Variants in OPN5 observed in about 807,000 individuals in gnomAD.
OPN5 encodes opsin-5.
OPN5 carries 18 observed loss-of-function variants against 41.7 expected under a neutral mutation model. The observed-to-expected ratio is 0.43, with a 90% CI of 0.30 to 0.64. The LOEUF (loss-of-function observed/expected upper bound fraction) is 0.64. Ranked by LOEUF, OPN5 falls within the 30% of genes least tolerant of loss-of-function variation. OPN5 has a pLI of 0.13. For missense variants in OPN5, 318 were observed against 434.5 expected, an observed-to-expected ratio of 0.73 and a Z score of 2.38; for synonymous variants, 178 against 164.3, an observed-to-expected ratio of 1.08 and a Z score of -0.64.
intron 4 of OPN5, among the ~76,000 whole-genome samples, chr6:47,805,433 TG>T (rs1413670993): frequency 6.6e-6 from 1 of 152,124 alleles, no homozygotes; most frequent in Non-Finnish European, 1.5e-5. Flanking sequence ...ATTGTGTGTG[TG>T]TGTGTGTGTG....
At chr6:47,789,772 G>A (rs1420313858) in intron 2 of OPN5, among the ~76,000 whole-genome samples, 1 of 152,292 alleles carries the variant, frequency 6.6e-6, no homozygotes, top group Middle Eastern at 3.4e-3. Flanking sequence ...GAACACACCT[G>A]GGAGAGCTGG....
chr6:47,803,550 A>G (rs1302018550), intron 4 of OPN5, among the ~76,000 whole-genome samples: 3 of 152,106 alleles, frequency 2.0e-5, no homozygotes. Flanking sequence ...TAGCCACTGA[A>G]ATATCTTTGT....
chr6:47,787,398 T>A (rs1187563060), intron 2 of OPN5: 1 of 152,370 alleles, frequency 6.6e-6, no homozygotes, highest in Non-Finnish European at 1.5e-5. Context: ...TTAAAAAATA[T>A]GAACCATTTT....
chr6:47,818,407 T>C (rs1762495401), intron 6 of OPN5, among the ~76,000 whole-genome samples: 1 of 152,182 alleles, frequency 6.6e-6, no homozygotes, highest in Non-Finnish European at 1.5e-5. Context: ...AAGCAGCAAG[T>C]TACTCACGAC....
chr6:47,792,004 T>A, intron 3 of OPN5, 32 bp downstream of exon 3: 1 of 1,542,432 alleles, frequency 6.5e-7, no homozygotes, highest in Non-Finnish European at 9.0e-7. Flanking sequence ...TCCCTGACAG[T>A]TAAAGCTAGG....
At chr6:47,793,095 A>G (rs1773437569) in intron 3 of OPN5, among the ~76,000 whole-genome samples, 1 of 151,838 alleles carries the variant, frequency 6.6e-6, no homozygotes, top group South Asian at 2.1e-4. Flanking sequence ...AACTATACAT[A>G]TTCTGTGTGA....
Position 47,795,778 on chromosome 6 carries a change from TCACACACACA to T in OPN5, c.756+240_756+249del, listed in dbSNP as rs57933636. Among the ~76,000 whole-genome samples the T allele has an allele frequency of 1.3e-3, 184 of 142,882 alleles. 2 individuals carry two copies. In the South Asian group the frequency reaches 0.017, roughly 13 times the overall value. The allele number at this position is 142,882 out of a possible 152,430, so 93.7% of individuals were successfully genotyped here. A position where few individuals can be genotyped will look rare whatever the true frequency, so the allele number is the denominator to read the frequency against. On this transcript the variant is annotated intron_variant, in intron 4 of 6. Coordinates refer to ENST00000371211, the Ensembl canonical transcript of OPN5. ...CTTCTCTCTTCTCTCTCTCTCTCTC[TCACACACACA>T]CACACACACACACACACACACACAT...
chr6:47,783,849 C>G (rs187074526), intron 1 of OPN5, among the ~76,000 whole-genome samples: 4 of 152,306 alleles, frequency 2.6e-5, no homozygotes, highest in African/African-American at 9.6e-5. Context: ...TTGTATTTAG[C>G]ATAGCTCCAT....
At chr6:47,825,462 G>A (rs1322168163), downstream of OPN5, 1 of 152,114 alleles carries the variant, frequency 6.6e-6, no homozygotes, top group Non-Finnish European at 1.5e-5. Context: ...AGTGAAATGG[G>A]TTCTAGGCCA....
At chr6:47,811,800 C>G in intron 6 of OPN5, 69 bp downstream of exon 6, 1 of 972,898 alleles carries the variant, frequency 1.0e-6, no homozygotes. Context: ...CTGCTGTAAA[C>G]ATTTGATTGT....
At chr6:47,809,694 T>C (rs576947905) in intron 5 of OPN5, among the ~76,000 whole-genome samples, 3 of 152,328 alleles carry the variant, frequency 2.0e-5, no homozygotes, top group African/African-American at 7.2e-5. Context: ...GGGACAATTG[T>C]TAGTAGTGCT....
chr6:47,820,302 A>G (rs1229115779), intron 6 of OPN5, among the ~76,000 whole-genome samples: 4 of 152,210 alleles, frequency 2.6e-5, no homozygotes, highest in Non-Finnish European at 5.9e-5. Context: ...AAACTGAGGC[A>G]CAGAGAATTT....
At chr6:47,786,566 G>A (rs201533729) in exon 2 of OPN5, 20 of 1,607,258 alleles carry the variant, frequency 1.2e-5, no homozygotes, top group East Asian at 2.2e-5. Context: ...TCTTCTAGAC[G>A]AAAGAAGAAG....
In OPN5 at chr6:47,783,663, G is replaced by T. The variant is rs1261062581; in HGVS notation, c.130+1467G>T. On this transcript the variant is annotated intron_variant, in intron 1 of 6. Coordinates refer to ENST00000371211, the Ensembl canonical transcript of OPN5. ...TCTCTTTTCAACATAAATATATATT[G>T]AGCGCCCACTCTTTGCCACTGTTTT... Among the ~76,000 whole-genome samples, 3 of 152,026 alleles carry T rather than the reference G, an allele frequency of 2.0e-5. No homozygotes were observed. In the East Asian group the frequency reaches 5.8e-4, roughly 29 times the overall value.
intron 4 of OPN5, among the ~76,000 whole-genome samples, chr6:47,804,981 C>T (rs1253020484): frequency 3.3e-5 from 5 of 152,192 alleles, no homozygotes; most frequent in African/African-American, 1.2e-4. Flanking sequence ...TTGGCAGCAA[C>T]ACAGAAAACA....
At chr6:47,826,098 T>A (rs2114026412), downstream of OPN5, 1 of 152,236 alleles carries the variant, frequency 6.6e-6, no homozygotes, top group South Asian at 2.1e-4. Flanking sequence ...TTAATGGAAT[T>A]TTTTGAACAT....
intron 2 of OPN5, chr6:47,787,160 A>T: frequency 1.0e-6 from 1 of 983,904 alleles, no homozygotes; most frequent in Non-Finnish European, 1.2e-6. Context: ...TATCACAAGC[A>T]TAGGAAGCTT....
intron 2 of OPN5, among the ~76,000 whole-genome samples, chr6:47,788,698 C>T (rs1773269200): frequency 6.6e-6 from 1 of 150,704 alleles, no homozygotes; most frequent in South Asian, 2.1e-4. Flanking sequence ...ATTTATGCAA[C>T]TAATACTTGT....
At chr6:47,825,118 A>G (rs1054338299), downstream of OPN5, 2 of 152,216 alleles carry the variant, frequency 1.3e-5, no homozygotes, top group African/African-American at 4.8e-5. Flanking sequence ...AGTCTGTGAA[A>G]TGGTCCAGTT....
Sources: gnomAD v4.1 joint callset for allele counts (sites outside exome capture counted in the v4.1 genomes callset) on GRCh38, gnomAD v4.1.1 for gene constraint, MANE v1.5 for transcripts, NCBI Gene and HGNC (gene_info 2026-07-23, HGNC 2026-07-21) for gene names.